The following DGLUCY variants were observed in gnomAD, a reference collection of about 807,000 sequenced individuals.
DGLUCY encodes the protein D-glutamate cyclase.
DGLUCY carries 58 observed loss-of-function variants against 58.5 expected under a neutral mutation model. That is an observed-to-expected ratio of 0.99 (90% confidence interval 0.80 to 1.23). The LOEUF is 1.23. Ranked by LOEUF, DGLUCY falls within the 50% of genes most tolerant of loss-of-function variation. The pLI, the probability that DGLUCY is intolerant of heterozygous loss-of-function variation, is 0.00. For missense variants in DGLUCY, 779 were observed against 784.7 expected (o/e 0.99, Z 0.09); for synonymous variants, 325 against 314.1 (o/e 1.03, Z -0.37).
intron 1 of DGLUCY, among the ~76,000 whole-genome samples, chr14:91,087,491 T>C (rs913337379): frequency 2.6e-5 from 4 of 152,280 alleles, no homozygotes; most frequent in Non-Finnish European, 5.9e-5. Flanking sequence ...CTTTATGTTC[T>C]TAGCTCCTAC....
At position 91,074,160 on chromosome 14, in the gene DGLUCY, C is replaced by CACACACACACACACACACACACAT. The variant is rs1453975330; in HGVS notation, c.-82+13457_-82+13458insCACACACACACACACACACACATA. Among the ~76,000 whole-genome samples, 185 of 136,064 alleles carry CACACACACACACACACACACACAT rather than the reference C, an allele frequency of 1.4e-3. 10 individuals carry two copies. Among genetic ancestry groups the CACACACACACACACACACACACAT allele is most frequent in the East Asian group, 0.01 (45 of 4,466 alleles). The allele number at this position is 136,064 out of a possible 152,430, so 89.3% of individuals were successfully genotyped here. Reference sequence around the variant, plus strand: ...ACACACACACACACACACACACACACAGTCAAGCACCTGTATTCCCAGCTA... The same window carrying CACACACACACACACACACACACAT: ...ACACACACACACACACACACACACACACACACACACACACACACACACATAGTCAAGCACCTGTATTCCCAGCTA... On this transcript the variant is annotated intron_variant, in intron 1 of 4. Transcript: ENST00000521334.
chr14:91,189,810 A>G (rs2049758176), intron 9 of DGLUCY: 1 of 153,462 alleles, frequency 6.5e-6, no homozygotes, highest in South Asian at 2.0e-4. Context: ...CTTCAGAGGT[A>G]TGTTTTTTCC....
At chr14:91,087,332 G>A (rs187911328) in intron 1 of DGLUCY, among the ~76,000 whole-genome samples, 2 of 152,332 alleles carry the variant, frequency 1.3e-5, no homozygotes, top group Admixed American at 6.5e-5. Flanking sequence ...TCTGATGGGT[G>A]TATAAAGTGA....
At chr14:91,202,687 G>C (rs28462232) in intron 11 of DGLUCY, among the ~76,000 whole-genome samples, 3,979 of 152,212 alleles carry the variant, frequency 0.026, 98 homozygotes, top group African/African-American at 0.055. Context: ...GTGGCTACAG[G>C]GGCAAACAGG....
intron 1 of DGLUCY, among the ~76,000 whole-genome samples, chr14:91,122,433 G>GT (rs1015143233): frequency 6.6e-5 from 10 of 151,904 alleles, no homozygotes; most frequent in Non-Finnish European, 1.2e-4. Context: ...GATTACAGGC[G>GT]TGAGCCATTG....
At chr14:91,097,492 C>G (rs962396495) in intron 1 of DGLUCY, among the ~76,000 whole-genome samples, 1 of 152,182 alleles carries the variant, frequency 6.6e-6, no homozygotes. Flanking sequence ...GAGTTATACA[C>G]TTTAGGTGAA....
chr14:91,162,707 G>A (rs1185767841), intron 3 of DGLUCY, among the ~76,000 whole-genome samples: 4 of 151,910 alleles, frequency 2.6e-5, no homozygotes, highest in Admixed American at 6.6e-5. Context: ...GACCAGCCCG[G>A]CCAACATGGA....
chr14:91,173,342 G>C lies in DGLUCY; in HGVS notation c.510G>C (p.Thr170=). The C allele has an allele frequency of 1.2e-6, 2 of 1,612,932 alleles. No individual in the cohort carries two copies. The highest frequency in any genetic ancestry group is 2.2e-5 in the East Asian group (1 of 44,836). ...HAGFCCPLVV[T]MRPIPKDKLE... Reference sequence around the variant, plus strand: ...GCTTCTGCTGCCCTCTGGTGGTCACGATGAGGCCCATTCCCAAGGACAAGC... The same window carrying C: ...GCTTCTGCTGCCCTCTGGTGGTCACCATGAGGCCCATTCCCAAGGACAAGC... Residue 170 remains threonine, a synonymous_variant, in exon 6 of 14, where the codon ACG becomes ACC. Coordinates refer to ENST00000256324, the MANE Select transcript of DGLUCY (RefSeq NM_001102368.3).
chr14:91,188,805 G>A, intron 8 of DGLUCY, 105 bp from the exon 9 acceptor site: 12 of 1,306,576 alleles, frequency 9.2e-6, no homozygotes, highest in Admixed American at 2.5e-5. Flanking sequence ...TTCCAGCCTG[G>A]ATGACAGAGC....
At chr14:91,062,061 T>C (rs886493501) in intron 1 of DGLUCY, among the ~76,000 whole-genome samples, 1 of 152,132 alleles carries the variant, frequency 6.6e-6, no homozygotes, top group Non-Finnish European at 1.5e-5. Context: ...TATTTTAGGA[T>C]TTGCAAGCTG....
chr14:91,209,506 G>A (rs770296343), intron 12 of DGLUCY, among the ~76,000 whole-genome samples: 5 of 152,160 alleles, frequency 3.3e-5, no homozygotes, highest in South Asian at 2.1e-4. Flanking sequence ...TCAGGAGATC[G>A]AGACCATCCT....
rs1166217676 is a variant in DGLUCY at position 91,210,837 on chromosome 14, C to A, written c.1565-4568C>A. Among the ~76,000 whole-genome samples, 4 of 152,124 alleles carry A rather than the reference C, an allele frequency of 2.6e-5. No homozygotes were observed. The South Asian group carries it at 8.3e-4, about 32-fold the overall frequency. On this transcript the variant is annotated intron_variant, in intron 12 of 13. Coordinates refer to ENST00000256324, the MANE Select transcript of DGLUCY (RefSeq NM_001102368.3). ...TGATGTTCCCTCTTACCACTATTTTCAACATTGTATTGGAAGTGCTGCCTA... is the reference window on the plus strand; with the variant it reads ...TGATGTTCCCTCTTACCACTATTTTAAACATTGTATTGGAAGTGCTGCCTA...
intron 1 of DGLUCY, among the ~76,000 whole-genome samples, chr14:91,063,355 T>G (rs1237662280): frequency 6.6e-6 from 1 of 152,096 alleles, no homozygotes; most frequent in African/African-American, 2.4e-5. Flanking sequence ...TATATAACAT[T>G]TTCAGGCCTG....
intron 6 of DGLUCY, 58 bp from the exon 7 acceptor site, chr14:91,175,876 C>T: frequency 1.3e-6 from 2 of 1,590,926 alleles, no homozygotes; most frequent in Non-Finnish European, 8.6e-7. Flanking sequence ...AACTACTCAA[C>T]CAGTTCTAAT....
At chr14:91,116,601 A>C (rs892546541) in intron 1 of DGLUCY, among the ~76,000 whole-genome samples, 6 of 152,294 alleles carry the variant, frequency 3.9e-5, no homozygotes, top group Middle Eastern at 3.4e-3. Context: ...GCAAGAAGCA[A>C]CTGGGGGCAA....
At chr14:91,146,338 T>C (rs1169373108) in intron 1 of DGLUCY, among the ~76,000 whole-genome samples, 1 of 152,214 alleles carries the variant, frequency 6.6e-6, no homozygotes, top group African/African-American at 2.4e-5. Flanking sequence ...AGAAAACCTT[T>C]GGAGAAGTGA....
At chr14:91,138,084 C>CT (rs1566960501) in intron 1 of DGLUCY, among the ~76,000 whole-genome samples, 2 of 152,170 alleles carry the variant, frequency 1.3e-5, no homozygotes, top group African/African-American at 4.8e-5. Flanking sequence ...TTGGTCCTGC[C>CT]TTTGTCTTCT....
At chr14:91,162,725 C>A (rs2048060433) in intron 3 of DGLUCY, among the ~76,000 whole-genome samples, 1 of 151,682 alleles carries the variant, frequency 6.6e-6, no homozygotes, top group African/African-American at 2.4e-5. Flanking sequence ...GGAGAAATCC[C>A]ATCTATACTA....
chr14:91,184,577 TGGG>T (rs1217191950), intron 8 of DGLUCY, among the ~76,000 whole-genome samples: 3 of 23,294 alleles, frequency 1.3e-4, no homozygotes, highest in Non-Finnish European at 1.8e-4. Flanking sequence ...GAAAGAAAGT[TGGG>T]GGGGGGGAGG....
Sources: allele counts gnomAD v4.1 joint callset (sites outside exome capture counted in the v4.1 genomes callset), GRCh38; gene constraint gnomAD v4.1.1; transcripts MANE v1.5; gene names NCBI Gene and HGNC (gene_info 2026-07-23, HGNC 2026-07-21).